Variants in AGFG1 observed in about 807,000 individuals in gnomAD.
The protein encoded by AGFG1 is ArfGAP with FG repeats 1, also known as arf-GAP domain and FG repeat-containing protein 1.
A neutral mutation model predicts 60.6 loss-of-function variants in AGFG1; 10 were observed. The ratio of observed to expected loss-of-function variants is 0.16; its 90% CI spans 0.10 to 0.28. AGFG1 has a LOEUF of 0.28. Ranked by LOEUF, AGFG1 falls within the 10% of genes least tolerant of loss-of-function variation. AGFG1 has a pLI of 1.00. For missense variants in AGFG1, 537 were observed against 676.5 expected, an observed-to-expected ratio of 0.79 and a Z score of 2.29; for synonymous variants, 247 against 242.9, an observed-to-expected ratio of 1.02 and a Z score of -0.16.
chr2:227,552,178 G>T (rs1214616848), intron 11 of AGFG1, 61 bp downstream of exon 11: 8 of 1,587,044 alleles, frequency 5.0e-6, no homozygotes, highest in Non-Finnish European at 5.2e-6. Flanking sequence ...ATATCATAAT[G>T]TTGTGTGCTT....
At chr2:227,504,436 G>A (rs956891614) in intron 2 of AGFG1, among the ~76,000 whole-genome samples, 2 of 152,120 alleles carry the variant, frequency 1.3e-5, no homozygotes, top group Non-Finnish European at 2.9e-5. Context: ...CAAATGATCC[G>A]CCTGCCTTGG....
Position 227,559,846 on chromosome 2 carries a change from AATGTTTCAT to A in AGFG1, c.*5353_*5361del, listed in dbSNP as rs1262103161. 1 of 152,144 alleles carries A rather than the reference AATGTTTCAT, an allele frequency of 6.6e-6. No individual in the cohort carries two copies. The highest frequency in any genetic ancestry group is 1.5e-5 in the Non-Finnish European group (1 of 68,008). The allele number at this position is 152,144 out of a possible 1,614,324, so 9.4% of individuals were successfully genotyped here. A position where few individuals can be genotyped will look rare whatever the true frequency, so the allele number is the denominator to read the frequency against. ...GATTGTAAACTAATCTTACATAGTC[AATGTTTCAT>A]AGAATGCTTTGGTTACAATCAGGTT... On this transcript the variant is annotated 3_prime_UTR_variant, in exon 13 of 13. Transcript: ENST00000310078.
intron 6 of AGFG1, among the ~76,000 whole-genome samples, chr2:227,532,540 C>T (rs1203926367): frequency 1.3e-5 from 2 of 152,068 alleles, no homozygotes; most frequent in Non-Finnish European, 2.9e-5. Flanking sequence ...CATGATTTAA[C>T]TCTTGAAAGA....
intron 2 of AGFG1, among the ~76,000 whole-genome samples, chr2:227,518,445 A>G (rs898432931): frequency 6.6e-6 from 1 of 151,628 alleles, no homozygotes; most frequent in Non-Finnish European, 1.5e-5. Flanking sequence ...TTACCAACAC[A>G]TGATGCAGTC....
At chr2:227,484,503 CAT>C (rs1445046030) in intron 1 of AGFG1, among the ~76,000 whole-genome samples, 1 of 151,978 alleles carries the variant, frequency 6.6e-6, no homozygotes, top group African/African-American at 2.4e-5. Context: ...TGTTGGTAAA[CAT>C]ATTATTTGTC....
intron 1 of AGFG1, among the ~76,000 whole-genome samples, chr2:227,480,819 A>G (rs1045754107): frequency 5.3e-5 from 8 of 152,216 alleles, no homozygotes; most frequent in Non-Finnish European, 1.0e-4. Context: ...GAAAGCCACA[A>G]AGCTGAAAAT....
chr2:227,531,403 G>T (rs541199264), intron 6 of AGFG1, among the ~76,000 whole-genome samples, 193 bp downstream of exon 6: 4 of 151,870 alleles, frequency 2.6e-5, no homozygotes, highest in African/African-American at 7.2e-5. Context: ...GCATTATTTG[G>T]TATATTGTCT....
chr2:227,508,184 AC>A (rs914767688), intron 2 of AGFG1: 6 of 153,934 alleles, frequency 3.9e-5, no homozygotes, highest in African/African-American at 1.2e-4. Flanking sequence ...TACATTCTAA[AC>A]CTCGGTCAGC....
At chr2:227,499,450 G>A (rs1294818545) in intron 2 of AGFG1, among the ~76,000 whole-genome samples, 2 of 151,322 alleles carry the variant, frequency 1.3e-5, no homozygotes, top group African/African-American at 4.9e-5. Flanking sequence ...GTCTAGCTTG[G>A]GCAACATGGC....
chr2:227,553,000 C>CAAAAAAAA (rs5839220), intron 11 of AGFG1, among the ~76,000 whole-genome samples: 1 of 92,416 alleles, frequency 1.1e-5, no homozygotes, highest in African/African-American at 4.7e-5. Context: ...AATTCCATCT[C>CAAAAAAAA]AAAAAAAAAA....
chr2:227,539,457 A>AAAATAAAAAC (rs139764867), intron 10 of AGFG1, among the ~76,000 whole-genome samples: 1 of 129,944 alleles, frequency 7.7e-6, no homozygotes, highest in African/African-American at 2.9e-5. Flanking sequence ...AAAACAAAAA[A>AAAATAAAAAC]CACATGTTAA....
intron 2 of AGFG1, among the ~76,000 whole-genome samples, chr2:227,515,856 C>T (rs1169042052): frequency 6.6e-6 from 1 of 152,036 alleles, no homozygotes; most frequent in Non-Finnish European, 1.5e-5. Context: ...AATCTAGATG[C>T]CTGAAATAGC....
Position 227,554,493 on chromosome 2 carries a change from T to C in AGFG1, c.1687T>C (p.Ter563GlnextTer39). 1 of 1,612,634 alleles carries C rather than the reference T, an allele frequency of 6.2e-7. No individual in the cohort carries two copies. Among genetic ancestry groups the C allele is most frequent in the South Asian group, 1.1e-5 (1 of 90,850 alleles). ...TGSSSTNPFL* is the reference protein window; with the variant it reads ...TGSSSTNPFLQ ...AAGCTCATCAACCAATCCTTTCTTA[T>C]AGCCTTATATAGACAATTTACTGGA... is the stretch of plus-strand genomic sequence containing the variant. The change falls in exon 13 of 13, where the codon TAG becomes CAG. Residue 563 changes from the stop codon to glutamine (Q), a stop_lost. Transcript: ENST00000310078.
chr2:227,492,329 C>T (rs1690845225), intron 2 of AGFG1, among the ~76,000 whole-genome samples: 1 of 151,254 alleles, frequency 6.6e-6, no homozygotes, highest in African/African-American at 2.4e-5. Context: ...TTTTATAATC[C>T]TGCAATAAGG....
chr2:227,489,807 C>T (rs1053704834), intron 1 of AGFG1, among the ~76,000 whole-genome samples: 12 of 150,330 alleles, frequency 8.0e-5, no homozygotes, highest in Admixed American at 6.7e-4. Flanking sequence ...TGTGTTTTGA[C>T]AAGCAAAAAT....
At chr2:227,472,960 G>C (rs1474394497) in intron 1 of AGFG1, among the ~76,000 whole-genome samples, 1 of 151,902 alleles carries the variant, frequency 6.6e-6, no homozygotes, top group African/African-American at 2.4e-5. Context: ...CGGGCTGTGG[G>C]GGGTGGGGGA....
At chr2:227,478,627 C>A (rs184090961) in intron 1 of AGFG1, among the ~76,000 whole-genome samples, 69 of 152,286 alleles carry the variant, frequency 4.5e-4, no homozygotes, top group African/African-American at 1.6e-3. Flanking sequence ...AATTACCATG[C>A]CCTGCCTCAA....
Position 227,497,730 on chromosome 2 carries a change from G to GTTTTTTTTTTTTTTTTTTT in AGFG1, c.261+6094_261+6095insTTTTTTTTTTTTTTTTTTT, listed in dbSNP as rs148621752. On this transcript the variant is annotated intron_variant, in intron 2 of 12. Transcript: ENST00000310078. ...ATATAGCCAAATGAGTTTCTTTCTT[G>GTTTTTTTTTTTTTTTTTTT]TTTTGTTTTTTTTTTTTTTTTTTTT... Among the ~76,000 whole-genome samples, 38 of 38,924 alleles carry GTTTTTTTTTTTTTTTTTTT rather than the reference G, an allele frequency of 9.8e-4. 8 individuals carry two copies. Among genetic ancestry groups the GTTTTTTTTTTTTTTTTTTT allele is most frequent in the African/African-American group, 2.6e-3 (35 of 13,232 alleles). 25.5% of individuals were successfully genotyped at this position (38,924 alleles called of 152,430 possible).
chr2:227,527,978 G>A lies in AGFG1; in HGVS notation c.694+3063G>A, dbSNP rs186749821. ...TTTGCCTTATTTTACTTACCTGTGA[G>A]ATTGTGATGGTTTTTCGTTTTCTTT... On this transcript the variant is annotated intron_variant, in intron 5 of 12. Coordinates refer to ENST00000310078, the MANE Select transcript of AGFG1 (RefSeq NM_004504.5). 2.0e-5 allele frequency among the ~76,000 whole-genome samples: 3 copies of A among 152,212 alleles called. No individual in the cohort carries two copies. In the East Asian group the frequency reaches 5.8e-4, roughly 29 times the overall value.
Sources: gnomAD v4.1 joint callset for allele counts (sites outside exome capture counted in the v4.1 genomes callset) on GRCh38, gnomAD v4.1.1 for gene constraint, MANE v1.5 for transcripts, NCBI Gene and HGNC (gene_info 2026-07-23, HGNC 2026-07-21) for gene names.